SHPRH: variants seen among roughly 807,000 people sequenced by gnomAD.
SHPRH encodes SNF2 histone linker PHD RING helicase.
SHPRH carries 106 observed loss-of-function variants against 202.5 expected under a neutral mutation model. That is an observed-to-expected ratio of 0.52 (90% CI 0.45 to 0.62). SHPRH has a LOEUF of 0.62. Ranked by LOEUF, SHPRH falls within the 20% of genes least tolerant of loss-of-function variation. The pLI is 0.00. For synonymous variants in SHPRH, 729 were observed against 686.0 expected (o/e 1.06, Z -0.98); for missense variants, 1,710 against 2,020.0 (o/e 0.85, Z 2.94).
Position 145,885,651 on chromosome 6 carries a change from CGTT to C in SHPRH, c.*1037_*1039del, listed in dbSNP as rs546796833. ...ATTCCTCACAGAAGAAGAAACACTT[CGTT>C]ATTATCACTTGCAACGATTTGCTTA... On this transcript the variant is annotated 3_prime_UTR_variant, in exon 30 of 30. Coordinates refer to ENST00000275233, the MANE Select transcript of SHPRH (RefSeq NM_001042683.3). The C allele has an allele frequency of 7.6e-4, 116 of 152,252 alleles. No homozygotes were observed. Among genetic ancestry groups the C allele is most frequent in the African/African-American group, 2.7e-3 (112 of 41,562 alleles). The allele number at this position is 152,252 out of a possible 1,614,324, so 9.4% of individuals were successfully genotyped here. A position where few individuals can be genotyped will look rare whatever the true frequency, so the allele number is the denominator to read the frequency against.
At chr6:145,894,435 C>CTTA (rs1562292042) in intron 26 of SHPRH, among the ~76,000 whole-genome samples, 199 bp from the exon 27 acceptor site, 1 of 129,148 alleles carries the variant, frequency 7.7e-6, no homozygotes, top group Non-Finnish European at 1.6e-5. Flanking sequence ...TTTTTTTTTG[C>CTTA]ATCAAATGCT....
downstream of SHPRH, among the ~76,000 whole-genome samples, chr6:145,881,165 A>T (rs1286076390): frequency 6.6e-6 from 1 of 152,132 alleles, no homozygotes; most frequent in East Asian, 1.9e-4. Flanking sequence ...TAAAACATAG[A>T]TTTTTAGTTT....
rs1057125764 is a variant in SHPRH at position 145,954,905 on chromosome 6, A to G, written c.418T>C (p.Leu140=). 9 of 1,613,740 alleles carry G rather than the reference A, an allele frequency of 5.6e-6. No individual in the cohort carries two copies. The Admixed American group carries it at 6.7e-5, about 12-fold the overall frequency. Residue 140 remains leucine (L), a synonymous_variant, in exon 2 of 30, where the codon TTG becomes CTG. Coordinates refer to ENST00000275233, the MANE Select transcript of SHPRH (RefSeq NM_001042683.3). The part of the protein sequence containing the change: ...IENFSERSIT[L]MSSESSNQFL... Reference sequence around the variant, plus strand: ...TGATTGCTTGACTCTGAACTCATCAATGTAATACTCCTTTCGGAAAAATTT... The same window carrying G: ...TGATTGCTTGACTCTGAACTCATCAGTGTAATACTCCTTTCGGAAAAATTT...
chr6:145,950,539 C>A, intron 3 of SHPRH, 57 bp from the exon 4 acceptor site: 1 of 1,520,018 alleles, frequency 6.6e-7, no homozygotes, highest in Non-Finnish European at 9.0e-7. Flanking sequence ...TAACTATAAG[C>A]AATTCTTATT....
intron 8 of SHPRH, among the ~76,000 whole-genome samples, chr6:145,944,707 T>C (rs1787176964): frequency 6.6e-6 from 1 of 152,150 alleles, no homozygotes; most frequent in Admixed American, 6.6e-5. Flanking sequence ...TTTTGACTTG[T>C]TGTCATTAAT....
In SHPRH at chr6:145,900,437, GATATCTAA is replaced by G. The variant is rs146985895; in HGVS notation, c.4516-5468_4516-5461del. ...ATACTGCATGATCTCACTTATATGG[GATATCTAA>G]AAACATTTAACTCACAGAAGCAGAG... On this transcript the variant is annotated intron_variant, in intron 25 of 29. Transcript: ENST00000275233. Among the ~76,000 whole-genome samples, 53 of 152,174 alleles carry G rather than the reference GATATCTAA, an allele frequency of 3.5e-4. No homozygotes were observed. The East Asian group carries it at 0.01, about 29-fold the overall frequency.
chr6:145,924,475 A>G (rs1784692659), intron 17 of SHPRH, among the ~76,000 whole-genome samples: 1 of 151,940 alleles, frequency 6.6e-6, no homozygotes, highest in Admixed American at 6.6e-5. Context: ...TCAAAAGACA[A>G]CTGTTATATA....
chr6:145,941,541 A>G, intron 10 of SHPRH, 82 bp downstream of exon 10: 1 of 1,555,364 alleles, frequency 6.4e-7, no homozygotes, highest in Non-Finnish European at 8.7e-7. Flanking sequence ...AACTATGCTT[A>G]AACTATTAAA....
At chr6:145,902,177 G>A (rs917194224) in intron 25 of SHPRH, among the ~76,000 whole-genome samples, 1 of 151,990 alleles carries the variant, frequency 6.6e-6, no homozygotes, top group Non-Finnish European at 1.5e-5. Context: ...CAGAATTTGG[G>A]GCAGGAAGTC....
In SHPRH at chr6:145,916,209, T is replaced by C. The variant is rs78976117; in HGVS notation, c.4254+1922A>G. On this transcript the variant is annotated intron_variant, in intron 23 of 29. Coordinates refer to ENST00000275233, the MANE Select transcript of SHPRH (RefSeq NM_001042683.3). ...CTACTGTATAGATTCCAGTTCATCTTATGTTGTCCAGTTTTCCTTTTCCTT... is the reference window on the plus strand; with the variant it reads ...CTACTGTATAGATTCCAGTTCATCTCATGTTGTCCAGTTTTCCTTTTCCTT... 5.1e-3 allele frequency among the ~76,000 whole-genome samples: 771 copies of C among 152,220 alleles called. 4 individuals carry two copies. Among genetic ancestry groups the C allele is most frequent in the African/African-American group, 0.018 (750 of 41,548 alleles).
chr6:145,952,513 T>A, intron 2 of SHPRH, 35 bp from the exon 3 acceptor site: 1 of 1,581,550 alleles, frequency 6.3e-7, no homozygotes. Flanking sequence ...AGTAGTTTCA[T>A]TTGAAATATA....
chr6:145,887,529 G>GTTTTTTTT (rs200904161), intron 29 of SHPRH, among the ~76,000 whole-genome samples: 2 of 130,134 alleles, frequency 1.5e-5, no homozygotes, highest in South Asian at 2.5e-4. Context: ...ACCTTAACAA[G>GTTTTTTTT]TTTGTTTTTT....
At chr6:145,862,443 A>AAC (rs1188005249), downstream of SHPRH, among the ~76,000 whole-genome samples, 56 of 110,992 alleles carry the variant, frequency 5.0e-4, no homozygotes, top group African/African-American at 2.2e-3. Context: ...CAAAACAAAA[A>AAC]AACAAAAACA....
intron 13 of SHPRH, among the ~76,000 whole-genome samples, chr6:145,933,511 A>G (rs1223012180): frequency 6.6e-6 from 1 of 152,210 alleles, no homozygotes; most frequent in Non-Finnish European, 1.5e-5. Flanking sequence ...CAACTTAATT[A>G]GAAAACCTCT....
At chr6:145,908,658 C>T (rs1783194822) in intron 25 of SHPRH, 1 of 151,916 alleles carries the variant, frequency 6.6e-6, no homozygotes, top group African/African-American at 2.4e-5. Flanking sequence ...GGATATTAGA[C>T]CTCTGTCAGA....
In SHPRH at chr6:145,935,179, G is replaced by GAA. The variant is rs200288193; in HGVS notation, c.2734-18_2734-17dup. The stretch of plus-strand genomic sequence containing the variant: ...GTATTTGGATCTGTGAAAAGGAGCA[G>GAA]AAAAAAAAAAAAAGATATCATCTAA... On this transcript the variant is annotated splice_polypyrimidine_tract_variant and intron_variant, in intron 12 of 29. Coordinates refer to ENST00000275233, the MANE Select transcript of SHPRH (RefSeq NM_001042683.3). The GAA allele has an allele frequency of 1.2e-4, 164 of 1,320,870 alleles. No individual in the cohort carries two copies. Among genetic ancestry groups the GAA allele is most frequent in the African/African-American group, 6.5e-4 (42 of 64,336 alleles). The allele number at this position is 1,320,870 out of a possible 1,614,324, so 81.8% of individuals were successfully genotyped here.
At chr6:145,882,174 T>C (rs1780626566), downstream of SHPRH, among the ~76,000 whole-genome samples, 2 of 152,122 alleles carry the variant, frequency 1.3e-5, no homozygotes, top group South Asian at 4.1e-4. Flanking sequence ...GGAAACTTGC[T>C]AAATCTTCTC....
In SHPRH at chr6:145,918,197, T is replaced by C. The variant is rs1478159937; in HGVS notation, c.4188A>G (p.Lys1396=). 6.2e-7 allele frequency: 1 copy of C among 1,600,162 alleles called. No homozygotes were observed. Among genetic ancestry groups the C allele is most frequent in the South Asian group, 1.1e-5 (1 of 88,520 alleles). ...TCTGAAGCTGTGATGTAGCAACAGC[T>C]TTATCATTTAGTAGTTTTATTCGGT... ...EQNRIKLLND[K]AVATSQLQKK... is the part of the protein sequence containing the mutation. The change falls in exon 23 of 30, where the codon AAA becomes AAG. Residue 1396 remains lysine (K), a synonymous_variant. Transcript: ENST00000275233.
chr6:145,899,643 A>G (rs1782321686), intron 25 of SHPRH, among the ~76,000 whole-genome samples: 1 of 152,198 alleles, frequency 6.6e-6, no homozygotes, highest in Admixed American at 6.6e-5. Flanking sequence ...CTCAGGCAAG[A>G]AAAGCAAAAA....
Sources: gnomAD v4.1 joint callset for allele counts (sites outside exome capture counted in the v4.1 genomes callset) on GRCh38, gnomAD v4.1.1 for gene constraint, MANE v1.5 for transcripts, NCBI Gene and HGNC (gene_info 2026-07-23, HGNC 2026-07-21) for gene names.